HS3ST4: variants seen among roughly 807,000 people sequenced by gnomAD.
HS3ST4 encodes the protein heparan sulfate-glucosamine 3-sulfotransferase 4, also known as heparan sulfate glucosamine 3-O-sulfotransferase 4.
In HS3ST4, 17 loss-of-function variants were observed where a neutral mutation model predicts 29.2. The observed-to-expected ratio is 0.58, with a 90% CI of 0.40 to 0.87. The LOEUF is 0.87. Among genes scored for constraint, HS3ST4 ranks in the 40% least tolerant of loss-of-function variants. The pLI is 0.00. For missense variants in HS3ST4, 627 were observed against 634.5 expected (o/e 0.99, Z 0.13); for synonymous variants, 314 against 285.7 (o/e 1.10, Z -1.00).
At chr16:26,088,315 T>G (rs548319640) in intron 1 of HS3ST4, among the ~76,000 whole-genome samples, 56 of 152,336 alleles carry the variant, frequency 3.7e-4, no homozygotes, top group African/African-American at 1.3e-3. Context: ...TTTTATGTGA[T>G]GATGTTTTGT....
chr16:26,071,495 C>G (rs1898603525), intron 1 of HS3ST4, among the ~76,000 whole-genome samples: 1 of 152,046 alleles, frequency 6.6e-6, no homozygotes, highest in Non-Finnish European at 1.5e-5. Context: ...TTTTCTGAGG[C>G]TTTGGTTATA....
At chr16:25,767,762 T>G (rs1966829789) in intron 1 of HS3ST4, among the ~76,000 whole-genome samples, 1 of 152,154 alleles carries the variant, frequency 6.6e-6, no homozygotes, top group Admixed American at 6.5e-5. Flanking sequence ...GCTCAAGAGA[T>G]ATTTCTGAAT....
intron 1 of HS3ST4, among the ~76,000 whole-genome samples, chr16:25,830,155 G>GA (rs1399024072): frequency 6.6e-6 from 1 of 152,106 alleles, no homozygotes; most frequent in Non-Finnish European, 1.5e-5. Flanking sequence ...CTTCCACATG[G>GA]AAAAAAGCCT....
At position 25,897,049 on chromosome 16, in the gene HS3ST4, G is replaced by A. The variant is rs559321118; in HGVS notation, c.734+203898G>A. Among the ~76,000 whole-genome samples the A allele has an allele frequency of 6.7e-4, 102 of 152,278 alleles. 2 individuals carry two copies. The South Asian group carries it at 0.021, about 31-fold the overall frequency. On this transcript the variant is annotated intron_variant, in intron 1 of 1. Coordinates refer to ENST00000331351, the MANE Select transcript of HS3ST4 (RefSeq NM_006040.3). The stretch of plus-strand genomic sequence containing the variant: ...GTTGAAAAACTGCCTACTGGGTACT[G>A]TGTTCACTTGCTGAGTGATGGGTTC...
chr16:25,835,575 C>T (rs1967348687), intron 1 of HS3ST4, among the ~76,000 whole-genome samples: 1 of 152,130 alleles, frequency 6.6e-6, no homozygotes, highest in South Asian at 2.1e-4. Flanking sequence ...TTTACATGCA[C>T]TTCCCAGGAA....
chr16:25,697,751 C>T (rs1381992672), intron 1 of HS3ST4, among the ~76,000 whole-genome samples: 1 of 151,948 alleles, frequency 6.6e-6, no homozygotes, highest in Admixed American at 6.6e-5. Context: ...GGCTGGAGTG[C>T]AGTGGTGTGA....
chr16:25,752,865 A>G (rs760776142), intron 1 of HS3ST4, among the ~76,000 whole-genome samples: 1 of 152,250 alleles, frequency 6.6e-6, no homozygotes, highest in Non-Finnish European at 1.5e-5. Context: ...AATTACAGAT[A>G]GAGTTTTTCT....
chr16:25,886,349 A>G (rs764164275), intron 1 of HS3ST4, among the ~76,000 whole-genome samples: 2 of 152,084 alleles, frequency 1.3e-5, no homozygotes, highest in Non-Finnish European at 2.9e-5. Flanking sequence ...GTGTATTTTA[A>G]TATCACCTAC....
intron 1 of HS3ST4, among the ~76,000 whole-genome samples, chr16:26,022,075 G>T (rs1333645967): frequency 6.6e-6 from 1 of 152,108 alleles, no homozygotes; most frequent in African/African-American, 2.4e-5. Context: ...TGATCTTCCT[G>T]CCTCAGCCTC....
At position 26,099,820 on chromosome 16, in the gene HS3ST4, C is replaced by T. The variant is rs531172154; in HGVS notation, c.735-35792C>T. Among the ~76,000 whole-genome samples, 6 of 152,156 alleles carry T rather than the reference C, an allele frequency of 3.9e-5. No homozygotes were observed. In the East Asian group the frequency reaches 1.2e-3, roughly 29 times the overall value. ...ACACATGCACACACACACGCACACA[C>T]GCATGCCCACACCTGCACATATCAG... On this transcript the variant is annotated intron_variant, in intron 1 of 1. Transcript: ENST00000331351.
chr16:25,842,287 G>A (rs905588888), intron 1 of HS3ST4, among the ~76,000 whole-genome samples: 4 of 152,204 alleles, frequency 2.6e-5, no homozygotes, highest in African/African-American at 9.6e-5. Flanking sequence ...TTGTAGTCCT[G>A]ATATTAACAT....
intron 1 of HS3ST4, among the ~76,000 whole-genome samples, chr16:25,828,298 T>TCTCTCTC (rs1567249508): frequency 6.1e-4 from 17 of 27,916 alleles, no homozygotes; most frequent in Non-Finnish European, 8.4e-4. Flanking sequence ...CTTTCTTTCT[T>TCTCTCTC]TCCCTCTCTC....
intron 1 of HS3ST4, among the ~76,000 whole-genome samples, chr16:25,927,897 A>G (rs984045794): frequency 2.1e-4 from 32 of 152,128 alleles, no homozygotes; most frequent in African/African-American, 7.7e-4. Flanking sequence ...CTGATTAATC[A>G]TTTAGAAACA....
chr16:25,780,270 A>G (rs946770621), intron 1 of HS3ST4, among the ~76,000 whole-genome samples: 26 of 152,120 alleles, frequency 1.7e-4, no homozygotes, highest in African/African-American at 6.0e-4. Context: ...TGGCCAAGCT[A>G]TAATAATAAT....
rs143372404 is a variant in HS3ST4, at chr16:25,770,951, A to G, written c.734+77800A>G. On this transcript the variant is annotated intron_variant, in intron 1 of 1. Transcript: ENST00000331351. The stretch of plus-strand genomic sequence containing the variant: ...CTCAGGATGATCCTGGGACGTGGCT[A>G]CAGAAGTCACTTATTATGGTCCAAC... Among the ~76,000 whole-genome samples the G allele has an allele frequency of 1.8e-3, 278 of 152,132 alleles. 2 individuals carry two copies. The highest frequency in any genetic ancestry group is 6.4e-3 in the African/African-American group (266 of 41,472).
intron 1 of HS3ST4, among the ~76,000 whole-genome samples, chr16:25,710,297 T>G (rs1966406728): frequency 6.6e-6 from 1 of 152,218 alleles, no homozygotes; most frequent in Admixed American, 6.5e-5. Flanking sequence ...CTTATGTGTG[T>G]GTGTGAGAAA....
intron 1 of HS3ST4, among the ~76,000 whole-genome samples, chr16:25,935,351 G>A (rs911166711): frequency 7.9e-5 from 12 of 152,062 alleles, no homozygotes; most frequent in South Asian, 2.1e-4. Flanking sequence ...TTTGCATTAG[G>A]GTTCACTCTT....
chr16:25,910,703 A>G (rs1186625601), intron 1 of HS3ST4, among the ~76,000 whole-genome samples: 1 of 152,196 alleles, frequency 6.6e-6, no homozygotes, highest in African/African-American at 2.4e-5. Flanking sequence ...ATAGACAATA[A>G]GTAAACAAAT....
chr16:25,956,728 G>A (rs960868435), intron 1 of HS3ST4, among the ~76,000 whole-genome samples: 2 of 152,186 alleles, frequency 1.3e-5, no homozygotes, highest in Non-Finnish European at 2.9e-5. Context: ...GCTGGGCGTG[G>A]TGGCTCATGC....
Sources: allele counts gnomAD v4.1 joint callset (sites outside exome capture counted in the v4.1 genomes callset), GRCh38; gene constraint gnomAD v4.1.1; transcripts MANE v1.5; gene names NCBI Gene and HGNC (gene_info 2026-07-23, HGNC 2026-07-21).